Variants in TRIQK observed in about 807,000 individuals in gnomAD.
The protein encoded by TRIQK is triple QxxK/R motif-containing protein.
In TRIQK, 10 loss-of-function variants were observed where a neutral mutation model predicts 10.8. That is an observed-to-expected ratio of 0.92 (90% CI 0.57 to 1.57). TRIQK has a LOEUF of 1.57. Among genes scored for constraint, TRIQK ranks in the 40% most tolerant of loss-of-function variants. TRIQK has a pLI of 0.00. For synonymous variants in TRIQK, 33 were observed against 33.7 expected, an observed-to-expected ratio of 0.98 and a Z score of 0.07; for missense variants, 107 against 97.7, an observed-to-expected ratio of 1.09 and a Z score of -0.40.
chr8:93,005,652 G>A (rs75158899), intron 1 of TRIQK, among the ~76,000 whole-genome samples: 4 of 152,234 alleles, frequency 2.6e-5, no homozygotes, highest in African/African-American at 7.2e-5. Context: ...TAGAAGGTAC[G>A]TACCTCAGCA....
chr8:92,883,823 C>T lies in TRIQK; in HGVS notation c.*2799G>A, dbSNP rs1457040819. ...ATTTTGCTACCTTAAAACAACTACC[C>T]ACCCTACATTTGTACTAAAATAGGC... On this transcript the variant is annotated 3_prime_UTR_variant, in exon 5 of 5. Coordinates refer to ENST00000521988, the MANE Select transcript of TRIQK (RefSeq NM_001171797.2). 1 of 151,650 alleles carries T rather than the reference C, an allele frequency of 6.6e-6. No homozygotes were observed. The highest frequency in any genetic ancestry group is 1.5e-5 in the Non-Finnish European group (1 of 67,786). 9.4% of individuals were successfully genotyped at this position (151,650 alleles called of 1,614,324 possible). A position where few individuals can be genotyped will look rare whatever the true frequency, so the allele number is the denominator to read the frequency against.
At chr8:92,949,486 A>G (rs1811716759) in intron 2 of TRIQK, among the ~76,000 whole-genome samples, 1 of 151,798 alleles carries the variant, frequency 6.6e-6, no homozygotes, top group East Asian at 1.9e-4. Context: ...TGATGTAACC[A>G]ATTACTATTG....
intron 2 of TRIQK, among the ~76,000 whole-genome samples, chr8:92,946,648 T>C (rs1270243854): frequency 1.3e-5 from 2 of 152,138 alleles, no homozygotes; most frequent in African/African-American, 2.4e-5. Context: ...TTTTAAGTGT[T>C]GTTTTCTAAT....
At chr8:92,997,359 T>A (rs1003995849) in intron 1 of TRIQK, among the ~76,000 whole-genome samples, 1 of 152,042 alleles carries the variant, frequency 6.6e-6, no homozygotes, top group Admixed American at 6.5e-5. Flanking sequence ...ATTTGCATAT[T>A]AAAAGAAAGG....
At chr8:93,011,537 T>C (rs1455530006) in intron 1 of TRIQK, among the ~76,000 whole-genome samples, 1 of 151,968 alleles carries the variant, frequency 6.6e-6, no homozygotes, top group Non-Finnish European at 1.5e-5. Context: ...AAAAGAAATA[T>C]CATCAAAGAA....
chr8:92,993,701 T>C (rs753024112), intron 1 of TRIQK, among the ~76,000 whole-genome samples: 1 of 152,220 alleles, frequency 6.6e-6, no homozygotes, highest in Non-Finnish European at 1.5e-5. Flanking sequence ...TAAACTATTA[T>C]GATGGTATTA....
At chr8:93,004,125 C>G (rs539116010) in intron 1 of TRIQK, among the ~76,000 whole-genome samples, 1 of 152,344 alleles carries the variant, frequency 6.6e-6, no homozygotes, top group East Asian at 1.9e-4. Context: ...CACATTTCTC[C>G]TCTGCACTGC....
At position 92,959,755 on chromosome 8, in the gene TRIQK, T is replaced by A. The variant is rs569014735; in HGVS notation, c.-180-5191A>T. 2.0e-5 allele frequency among the ~76,000 whole-genome samples: 3 copies of A among 152,228 alleles called. No individual in the cohort carries two copies. In the East Asian group the frequency reaches 5.8e-4, roughly 29 times the overall value. On this transcript the variant is annotated intron_variant, in intron 1 of 4. Coordinates refer to ENST00000521988, the MANE Select transcript of TRIQK (RefSeq NM_001171797.2). Reference sequence around the variant, plus strand: ...TTAAGTCCAGATGCTTTTCAACTTATGATAGGGTTACATACCGATAAACCC... The same window carrying A: ...TTAAGTCCAGATGCTTTTCAACTTAAGATAGGGTTACATACCGATAAACCC...
intron 2 of TRIQK, among the ~76,000 whole-genome samples, chr8:92,930,727 T>G (rs1473626155): frequency 6.6e-6 from 1 of 152,172 alleles, no homozygotes; most frequent in Non-Finnish European, 1.5e-5. Flanking sequence ...CAAAGAGTAA[T>G]TGAAAACGGG....
chr8:92,919,361 T>A (rs775533303), intron 2 of TRIQK, among the ~76,000 whole-genome samples: 70 of 151,786 alleles, frequency 4.6e-4, no homozygotes, highest in Non-Finnish European at 8.3e-4. Flanking sequence ...GAATGTTAAA[T>A]TTTGTTGAAT....
chr8:93,012,868 T>C (rs1272365961), intron 1 of TRIQK, among the ~76,000 whole-genome samples: 1 of 152,146 alleles, frequency 6.6e-6, no homozygotes, highest in Non-Finnish European at 1.5e-5. Context: ...GAAATGCACA[T>C]TTTTAGACCT....
intron 3 of TRIQK, among the ~76,000 whole-genome samples, chr8:92,905,828 C>G (rs867378976): frequency 3.9e-5 from 6 of 152,178 alleles, no homozygotes; most frequent in Middle Eastern, 3.4e-3. Flanking sequence ...TGGAACAGTG[C>G]CATACCCCCT....
chr8:92,917,604 A>T (rs1385034705), intron 2 of TRIQK, among the ~76,000 whole-genome samples: 2 of 151,920 alleles, frequency 1.3e-5, no homozygotes, highest in Non-Finnish European at 2.9e-5. Context: ...ATTTTTATTG[A>T]TATACAATAG....
chr8:92,895,081 T>C (rs1387315226), intron 3 of TRIQK, among the ~76,000 whole-genome samples: 1 of 151,816 alleles, frequency 6.6e-6, no homozygotes, highest in Non-Finnish European at 1.5e-5. Context: ...ATTGTGAGAG[T>C]GGGTTAGTTA....
intron 2 of TRIQK, among the ~76,000 whole-genome samples, chr8:92,927,399 T>C (rs1810497071): frequency 6.9e-6 from 1 of 145,626 alleles, no homozygotes; most frequent in Non-Finnish European, 1.5e-5. Flanking sequence ...TTGGACTTAA[T>C]AAAGTTAAAT....
At chr8:92,924,096 C>T (rs1052047196) in intron 2 of TRIQK, among the ~76,000 whole-genome samples, 7 of 151,926 alleles carry the variant, frequency 4.6e-5, no homozygotes, top group Admixed American at 3.9e-4. Context: ...GAAAACTCTT[C>T]GCTAAACGTG....
intron 1 of TRIQK, among the ~76,000 whole-genome samples, chr8:92,984,154 C>T (rs1010796454): frequency 6.6e-6 from 1 of 152,066 alleles, no homozygotes; most frequent in African/African-American, 2.4e-5. Context: ...ACTGACTTGG[C>T]ATTCCATTAC....
intron 3 of TRIQK, among the ~76,000 whole-genome samples, chr8:92,916,435 T>C (rs1398547407): frequency 6.6e-6 from 1 of 152,140 alleles, no homozygotes; most frequent in Admixed American, 6.6e-5. Context: ...TCTTCCTTAA[T>C]CCTTCTTTCA....
chr8:92,912,179 A>G (rs1287721950), intron 3 of TRIQK, among the ~76,000 whole-genome samples: 1 of 151,712 alleles, frequency 6.6e-6, no homozygotes. Context: ...GCTAGGTCAC[A>G]AAGTAAGTTT....
Sources: allele counts gnomAD v4.1 joint callset (sites outside exome capture counted in the v4.1 genomes callset), GRCh38; gene constraint gnomAD v4.1.1; transcripts MANE v1.5; gene names NCBI Gene and HGNC (gene_info 2026-07-23, HGNC 2026-07-21).